Variants in SF3B3 observed in about 807,000 individuals in gnomAD.
SF3B3 encodes SAP 130.
Under a neutral mutation model 139.2 loss-of-function variants are expected in SF3B3, and 33 were observed. The observed-to-expected ratio is 0.24, with a 90% CI of 0.18 to 0.32. The LOEUF (loss-of-function observed/expected upper bound fraction) is 0.32. Ranked by LOEUF, SF3B3 falls within the 10% of genes least tolerant of loss-of-function variation. The probability of loss-of-function intolerance (pLI) is 1.00; values close to 1 mark genes in which losing one functional copy is unlikely to be tolerated. For synonymous variants in SF3B3, 596 were observed against 563.6 expected (o/e 1.06, Z -0.81); for missense variants, 818 against 1,509.4 (o/e 0.54, Z 7.59).
intron 22 of SF3B3, among the ~76,000 whole-genome samples, chr16:70,568,707 T>C (rs2050500441): frequency 6.6e-6 from 1 of 152,238 alleles, no homozygotes; most frequent in South Asian, 2.1e-4. Context: ...TCCTCCCTAT[T>C]GAACGTGATT....
At position 70,528,080 on chromosome 16, in the gene SF3B3, C is replaced by A. The variant is rs115102437; in HGVS notation, c.71-793C>A. Among the ~76,000 whole-genome samples, 830 of 151,532 alleles carry A rather than the reference C, an allele frequency of 5.5e-3. 4 individuals are homozygous for A. The highest frequency in any genetic ancestry group is 0.018 in the African/African-American group (741 of 41,316). On this transcript the variant is annotated intron_variant, in intron 2 of 25. Coordinates refer to ENST00000302516, the MANE Select transcript of SF3B3 (RefSeq NM_012426.5). Reference sequence around the variant, plus strand: ...ATGAGCTACTGTGCCCTGCTGAAAGCACATTTTTAATACTAATTTTATCTT... The same window carrying A: ...ATGAGCTACTGTGCCCTGCTGAAAGAACATTTTTAATACTAATTTTATCTT...
chr16:70,551,661 C>CATTGT lies in SF3B3; in HGVS notation c.1403-2783_1403-2779dup, dbSNP rs2050327131. On this transcript the variant is annotated intron_variant, in intron 11 of 25. Transcript: ENST00000302516. ...AGGTTGCAGTGAGCTGAGATTGCGC[C>CATTGT]ATTGTACTCCAGCCTGGGCAACCAG... Among the ~76,000 whole-genome samples the CATTGT allele has an allele frequency of 1.3e-5, 2 of 152,072 alleles. 1 individual carries two copies. Among genetic ancestry groups the CATTGT allele is most frequent in the Admixed American group, 1.3e-4 (2 of 15,276 alleles).
In SF3B3 at chr16:70,570,333, G is replaced by GTTTTTT. The variant is rs71151192; in HGVS notation, c.3408+196_3408+201dup. Among the ~76,000 whole-genome samples, 47 of 121,806 alleles carry GTTTTTT rather than the reference G, an allele frequency of 3.9e-4. 2 individuals are homozygous for GTTTTTT. The highest frequency in any genetic ancestry group is 6.2e-4 in the Non-Finnish European group (37 of 59,856). The allele number at this position is 121,806 out of a possible 152,430, so 79.9% of individuals were successfully genotyped here. On this transcript the variant is annotated intron_variant, in intron 24 of 25. Transcript: ENST00000302516. ...TCCCGCACCCAGGGAAGGCCATTTGGTTTTTTTTTTTTTTTTTGCGACGGA... is the reference window on the plus strand; with the variant it reads ...TCCCGCACCCAGGGAAGGCCATTTGGTTTTTTTTTTTTTTTTTTTTTTTGCGACGGA...
intron 9 of SF3B3, among the ~76,000 whole-genome samples, chr16:70,543,391 C>T (rs116589168): frequency 0.033 from 4,685 of 142,974 alleles, 281 homozygotes; most frequent in African/African-American, 0.11. Context: ...GCCTGGGTAA[C>T]GAGCGAAACC....
intron 12 of SF3B3, 37 bp from the exon 13 acceptor site, chr16:70,555,014 T>G (rs1222303378): frequency 1.3e-6 from 2 of 1,599,726 alleles, no homozygotes; most frequent in East Asian, 4.5e-5. Flanking sequence ...ATGAATCAAA[T>G]TGTTAAAGTC....
At position 70,571,993 on chromosome 16, in the gene SF3B3, T is replaced by C. The variant is rs1597726423; in HGVS notation, c.*180T>C. The C allele has an allele frequency of 2.6e-6, 2 of 769,940 alleles. No homozygotes were observed. Among genetic ancestry groups the C allele is most frequent in the East Asian group, 2.7e-5 (1 of 36,656 alleles). The allele number at this position is 769,940 out of a possible 1,614,324, so 47.7% of individuals were successfully genotyped here. On this transcript the variant is annotated 3_prime_UTR_variant, in exon 26 of 26. Coordinates refer to ENST00000302516, the MANE Select transcript of SF3B3 (RefSeq NM_012426.5). ...CTGGAATGACTGGCTTCCCCTCAAATTGGCACTGAGATTTGCTACACTTCT... is the reference window on the plus strand; with the variant it reads ...CTGGAATGACTGGCTTCCCCTCAAACTGGCACTGAGATTTGCTACACTTCT...
intron 2 of SF3B3, among the ~76,000 whole-genome samples, chr16:70,528,489 A>G (rs938035616): frequency 1.7e-4 from 11 of 65,236 alleles, no homozygotes; most frequent in African/African-American, 9.6e-4. Flanking sequence ...TTTTTTTTTT[A>G]GAGACGATAT....
At chr16:70,567,223 C>T in intron 20 of SF3B3, among the ~76,000 whole-genome samples, 188 bp from the exon 21 acceptor site, 1 of 152,160 alleles carries the variant, frequency 6.6e-6, no homozygotes, top group East Asian at 1.9e-4. Context: ...CAGCATTGAT[C>T]CCTCTACTGA....
At chr16:70,570,170 C>G (rs1287574596) in intron 24 of SF3B3, 21 bp downstream of exon 24, 2 of 1,613,282 alleles carry the variant, frequency 1.2e-6, no homozygotes, top group Non-Finnish European at 1.7e-6. Context: ...CCACATTACT[C>G]TGGCCTTGAC....
At position 70,556,872 on chromosome 16, in the gene SF3B3, TC is replaced by T. The variant is rs752526201; in HGVS notation, c.1867-13del. On this transcript the variant is annotated splice_polypyrimidine_tract_variant and intron_variant, in intron 14 of 25. Coordinates refer to ENST00000302516, the MANE Select transcript of SF3B3 (RefSeq NM_012426.5). ...TCATTTTCTGTGTTTTTATGATTTT[TC>T]TCTCCCTCTCAGGACTGTTTGCAAC... The T allele has an allele frequency of 6.2e-7, 1 of 1,613,992 alleles. No homozygotes were observed. Among genetic ancestry groups the T allele is most frequent in the East Asian group, 2.2e-5 (1 of 44,878 alleles).
At chr16:70,528,823 G>C (rs561050068) in intron 2 of SF3B3, 50 bp from the exon 3 acceptor site, 1 of 1,391,126 alleles carries the variant, frequency 7.2e-7, no homozygotes, top group African/African-American at 1.4e-5. Flanking sequence ...TCACCATGGT[G>C]GCCAGGCTGG....
At chr16:70,548,722 T>C (rs1408569368) in intron 11 of SF3B3, among the ~76,000 whole-genome samples, 3 of 152,226 alleles carry the variant, frequency 2.0e-5, no homozygotes, top group Non-Finnish European at 2.9e-5. Flanking sequence ...ATTGACTTTA[T>C]ATTCATAAAG....
chr16:70,544,924 A>G (rs945723559), intron 10 of SF3B3, among the ~76,000 whole-genome samples: 1 of 152,238 alleles, frequency 6.6e-6, no homozygotes, highest in Admixed American at 6.5e-5. Context: ...CATGGAGGCT[A>G]GGAAATCTAT....
At chr16:70,546,390 G>A (rs866589136) in intron 10 of SF3B3, among the ~76,000 whole-genome samples, 6 of 152,174 alleles carry the variant, frequency 3.9e-5, no homozygotes, top group African/African-American at 1.4e-4. Context: ...GGTGGCGCAC[G>A]CCTGTAATTC....
chr16:70,526,410 G>A (rs1023967039), intron 1 of SF3B3, among the ~76,000 whole-genome samples, 177 bp from the exon 2 acceptor site: 1 of 152,082 alleles, frequency 6.6e-6, no homozygotes, highest in Non-Finnish European at 1.5e-5. Flanking sequence ...GTTTCACTGT[G>A]TTGCCCAAGC....
In SF3B3 at chr16:70,530,840, A is replaced by G; in HGVS notation, c.493A>G (p.Thr165Ala). Residue 165 changes from threonine (T) to alanine (A), a missense_variant, in exon 4 of 26, where the codon ACT (threonine) becomes GCT (alanine). Physicochemically the swap from Thr to Ala is moderately conservative, Grantham distance 58. Around this residue, in one of 14 missense-constraint regions of SF3B3, gnomAD observed 144 missense variants for 259.2 expected, o/e 0.56. Coordinates refer to ENST00000302516, the MANE Select transcript of SF3B3 (RefSeq NM_012426.5). Reference sequence around the variant, plus strand: ...TCCCCTGGAAGCCCACAAAGCAAACACTTTAGTGTATCATGTAGTTGGAGT... The same window carrying G: ...TCCCCTGGAAGCCCACAAAGCAAACGCTTTAGTGTATCATGTAGTTGGAGT... ...SSPLEAHKAN[T>A]LVYHVVGVDV... is the part of the protein sequence containing the mutation. 1 of 1,614,106 alleles carries G rather than the reference A, an allele frequency of 6.2e-7. No homozygotes were observed. Among genetic ancestry groups the G allele is most frequent in the Non-Finnish European group, 8.5e-7 (1 of 1,179,992 alleles).
At chr16:70,530,407 C>T (rs1454993942) in intron 3 of SF3B3, among the ~76,000 whole-genome samples, 3 of 151,016 alleles carry the variant, frequency 2.0e-5, no homozygotes, top group South Asian at 2.1e-4. Flanking sequence ...GCAACCTTTG[C>T]GTCTCAGGTT....
At chr16:70,569,283 ATCTGC>A in intron 23 of SF3B3, 142 bp downstream of exon 23, 2 of 574,768 alleles carry the variant, frequency 3.5e-6, no homozygotes, top group South Asian at 2.4e-5. Context: ...TTTCTTACCA[ATCTGC>A]AAAAAATCTC....
chr16:70,524,972 C>T (rs1457367265), intron 1 of SF3B3: 2 of 150,200 alleles, frequency 1.3e-5, no homozygotes, highest in African/African-American at 4.9e-5. Context: ...GACACCGCGC[C>T]CGGCCCAGAC....
Sources: gnomAD v4.1 joint callset for allele counts (sites outside exome capture counted in the v4.1 genomes callset) on GRCh38, gnomAD v4.1.1 for gene constraint, gnomAD v4.1.1 regional missense constraint, MANE v1.5 for transcripts, NCBI Gene and HGNC (gene_info 2026-07-23, HGNC 2026-07-21) for gene names.